Variants in EMSY observed in about 807,000 individuals in gnomAD.
EMSY encodes the protein EMSY transcriptional repressor, BRCA2 interacting.
Under a neutral mutation model 134.6 loss-of-function variants are expected in EMSY, and 26 were observed. The observed-to-expected ratio is 0.19, with a 90% CI of 0.14 to 0.27. The LOEUF (loss-of-function observed/expected upper bound fraction) is 0.27, where lower values mean the gene tolerates loss of function less well. EMSY is among the 10% of genes least tolerant of loss of function. The probability of loss-of-function intolerance (pLI) is 1.00; values close to 1 mark genes in which losing one functional copy is unlikely to be tolerated. For synonymous variants in EMSY, 579 were observed against 577.8 expected, an observed-to-expected ratio of 1.00 and a Z score of -0.03; for missense variants, 1,305 against 1,611.4, an observed-to-expected ratio of 0.81 and a Z score of 3.26.
At chr11:76,546,328 G>T in intron 20 of EMSY, 31 bp downstream of exon 21, 1 of 1,580,904 alleles carries the variant, frequency 6.3e-7, no homozygotes, top group Non-Finnish European at 8.6e-7. Context: ...GAGAAATCTT[G>T]TGCATCTTGG....
At chr11:76,459,878 A>C in intron 5 of EMSY, 55 bp from the exon 7 acceptor site, 1 of 1,584,130 alleles carries the variant, frequency 6.3e-7, no homozygotes, top group East Asian at 2.2e-5. Context: ...ATTTTTTTGT[A>C]TGCCTGGACA....
intron 11 of EMSY, among the ~76,000 whole-genome samples, chr11:76,517,452 TACTC>T (rs758678342): frequency 7.9e-5 from 12 of 152,216 alleles, no homozygotes; most frequent in South Asian, 2.1e-4. Context: ...ATAAAGCACT[TACTC>T]AGTTAAACAT....
intron 8 of EMSY, among the ~76,000 whole-genome samples, chr11:76,484,569 A>G (rs1359863344): frequency 2.0e-5 from 3 of 152,224 alleles, no homozygotes; most frequent in Non-Finnish European, 2.9e-5. Context: ...TAAAGAGAAT[A>G]TTACCACTGA....
At chr11:76,517,322 C>T (rs1050345229) in intron 11 of EMSY, among the ~76,000 whole-genome samples, 26 of 152,154 alleles carry the variant, frequency 1.7e-4, no homozygotes, top group African/African-American at 6.3e-4. Context: ...GTTTGCCAGA[C>T]TGAGGAGGGT....
chr11:76,463,467 C>G (rs1948212850), intron 6 of EMSY, among the ~76,000 whole-genome samples: 2 of 149,818 alleles, frequency 1.3e-5, no homozygotes, highest in East Asian at 2.0e-4. Context: ...ACTAAAAATA[C>G]AAAAAATTAG....
At chr11:76,552,840 C>T (rs1324339735), downstream of EMSY, 1 of 152,212 alleles carries the variant, frequency 6.6e-6, no homozygotes, top group Non-Finnish European at 1.5e-5. Flanking sequence ...CCTCTACTTT[C>T]TGCCTCTTAT....
At chr11:76,463,394 C>T (rs1422688439) in intron 6 of EMSY, among the ~76,000 whole-genome samples, 3 of 151,510 alleles carry the variant, frequency 2.0e-5, no homozygotes, top group South Asian at 2.1e-4. Flanking sequence ...GAGGCCGAGG[C>T]GGGTGGATCA....
At chr11:76,544,684 G>A (rs1951575180) in exon 19 of EMSY, 2 of 1,614,120 alleles carry the variant, frequency 1.2e-6, no homozygotes, top group Non-Finnish European at 1.7e-6. Context: ...CTGTAGTACA[G>A]GTGCTTGCAG....
At chr11:76,544,903 A>G in intron 19 of EMSY, 81 bp downstream of exon 20, 6 of 1,421,588 alleles carry the variant, frequency 4.2e-6, no homozygotes, top group Non-Finnish European at 5.7e-6. Context: ...CCCTATCATG[A>G]TATCAGTGCT....
intron 16 of EMSY, among the ~76,000 whole-genome samples, chr11:76,539,224 A>G (rs1951341550): frequency 6.6e-6 from 1 of 152,186 alleles, no homozygotes; most frequent in Non-Finnish European, 1.5e-5. Flanking sequence ...GTGAATAATT[A>G]AAGGGTTTAA....
chr11:76,495,315 G>A (rs954608078), intron 8 of EMSY, among the ~76,000 whole-genome samples: 1 of 152,116 alleles, frequency 6.6e-6, no homozygotes, highest in Non-Finnish European at 1.5e-5. Flanking sequence ...TGAGAATTAG[G>A]CTATTAGTTT....
rs1385906794 is a variant in EMSY at position 76,472,853 on chromosome 11, T to G, written c.1108+13T>G. On this transcript the variant is annotated intron_variant, in intron 8 of 20. Coordinates refer to ENST00000334736, the Ensembl canonical transcript of EMSY. ...ACAGTAGCACAAGGTGAGTGCTGTT[T>G]CACAATTTAATTCTGTCACAGTTGC... The G allele has an allele frequency of 6.2e-7, 1 of 1,609,304 alleles. No homozygotes were observed. Among genetic ancestry groups the G allele is most frequent in the Admixed American group, 1.7e-5 (1 of 59,920 alleles).
intron 8 of EMSY, among the ~76,000 whole-genome samples, chr11:76,481,668 A>G (rs555142895): frequency 6.6e-6 from 1 of 152,336 alleles, no homozygotes; most frequent in Non-Finnish European, 1.5e-5. Flanking sequence ...CAGCTCATCA[A>G]AGCTGCTGTA....
intron 20 of EMSY, among the ~76,000 whole-genome samples, chr11:76,548,081 A>T (rs1951716482): frequency 6.6e-6 from 1 of 152,188 alleles, no homozygotes; most frequent in Non-Finnish European, 1.5e-5. Context: ...TCTACTTCAG[A>T]GGGTTGTTTT....
At chr11:76,547,846 T>C (rs539130010) in intron 20 of EMSY, among the ~76,000 whole-genome samples, 2 of 152,322 alleles carry the variant, frequency 1.3e-5, no homozygotes, top group African/African-American at 2.4e-5. Flanking sequence ...AGTTAATGGA[T>C]AGGTTCTTTA....
intron 8 of EMSY, among the ~76,000 whole-genome samples, chr11:76,487,981 A>G (rs1408837231): frequency 6.6e-6 from 1 of 152,148 alleles, no homozygotes; most frequent in Non-Finnish European, 1.5e-5. Flanking sequence ...TTTCCCCTTC[A>G]CTTACATGAC....
At chr11:76,461,308 GAC>G (rs1211419643) in intron 6 of EMSY, among the ~76,000 whole-genome samples, 9 of 152,198 alleles carry the variant, frequency 5.9e-5, no homozygotes, top group African/African-American at 1.4e-4. Flanking sequence ...TGCTGTTTTA[GAC>G]AGGAACAATT....
intron 12 of EMSY, 62 bp downstream of exon 13, chr11:76,523,353 A>G (rs1004560048): frequency 4.5e-6 from 7 of 1,543,460 alleles, no homozygotes; most frequent in Non-Finnish European, 6.1e-6. Flanking sequence ...CCAGCTATAT[A>G]AATATTTGCA....
chr11:76,533,273 T>G (rs906284342), intron 14 of EMSY, among the ~76,000 whole-genome samples: 3 of 151,980 alleles, frequency 2.0e-5, no homozygotes, highest in Middle Eastern at 3.4e-3. Context: ...TGGGGGTGGG[T>G]TGGGTTGGTG....
Sources: gnomAD v4.1 joint callset for allele counts (sites outside exome capture counted in the v4.1 genomes callset) on GRCh38, gnomAD v4.1.1 for gene constraint, MANE v1.5 for transcripts, NCBI Gene and HGNC (gene_info 2026-07-23, HGNC 2026-07-21) for gene names.